KCNQ1OT1: variants seen among roughly 807,000 people sequenced by gnomAD.
KCNQ1OT1 encodes the protein KCNQ1 opposite strand/antisense transcript 1, also known as KCNQ1 antisense RNA 2 (non-protein coding).
chr11:2,698,981 C>T lies in KCNQ1OT1; in HGVS notation n.1014G>A, dbSNP rs577035818. The stretch of plus-strand genomic sequence containing the variant: ...TAACTCAGAACCACAACGGGGATTC[C>T]CACCTCCGATCCTAATTCGGGCCCT... On this transcript the variant is annotated non_coding_transcript_exon_variant, in exon 1 of 1. Coordinates refer to ENST00000597346, the Ensembl canonical transcript of KCNQ1OT1. This position sits in a 1 kb window ranked among gnomAD's most constrained non-coding sequence, Gnocchi z 5.1. 1.1e-3 allele frequency: 435 copies of T among 398,524 alleles called. 1 individual carries two copies. Among genetic ancestry groups the T allele is most frequent in the Non-Finnish European group, 1.6e-3 (367 of 226,078 alleles). 24.7% of individuals were successfully genotyped at this position (398,524 alleles called of 1,614,324 possible).
chr11:2,672,169 G>T (rs952342958), exon 1 of KCNQ1OT1: 6 of 398,566 alleles, frequency 1.5e-5, no homozygotes, highest in African/African-American at 1.2e-4. Context: ...TTGTTTTTCA[G>T]TGTTTTCTTT....
chr11:2,645,060 C>CCTG lies in KCNQ1OT1; in HGVS notation n.54934_54935insCAG. 1 of 398,686 alleles carries CCTG rather than the reference C, an allele frequency of 2.5e-6. No individual in the cohort carries two copies. The highest frequency in any genetic ancestry group is 4.4e-6 in the Non-Finnish European group (1 of 226,162). 24.7% of individuals were successfully genotyped at this position (398,686 alleles called of 1,614,324 possible). ...CAACTTGCTCAGGTGCCAATGATGA[C>CCTG]AGAGCTGGGCCACAGGGTGGGTAGG... On this transcript the variant is annotated non_coding_transcript_exon_variant, in exon 1 of 1. Coordinates refer to ENST00000597346, the Ensembl canonical transcript of KCNQ1OT1. The surrounding 1 kb of genome is among the most constrained non-coding windows in gnomAD (Gnocchi z 5.8).
Position 2,647,650 on chromosome 11 carries a change from T to G in KCNQ1OT1, n.52345A>C. 2.5e-6 allele frequency: 1 copy of G among 398,586 alleles called. No homozygotes were observed. The highest frequency in any genetic ancestry group is 3.6e-5 in the East Asian group (1 of 28,060). The allele number at this position is 398,586 out of a possible 1,614,324, so 24.7% of individuals were successfully genotyped here. On this transcript the variant is annotated non_coding_transcript_exon_variant, in exon 1 of 1. Coordinates refer to ENST00000597346, the Ensembl canonical transcript of KCNQ1OT1. This position sits in a 1 kb window ranked among gnomAD's most constrained non-coding sequence, Gnocchi z 4.0. ...CCTGAGGTTTTCTTTACTGGGAGAC[T>G]TTATTACTGATACAATCTCATTCCT...
At position 2,642,520 on chromosome 11, in the gene KCNQ1OT1, C is replaced by A; in HGVS notation, n.57475G>T. The A allele has an allele frequency of 2.5e-6, 1 of 397,740 alleles. No homozygotes were observed. Among genetic ancestry groups the A allele is most frequent in the Non-Finnish European group, 4.4e-6 (1 of 225,650 alleles). The allele number at this position is 397,740 out of a possible 1,614,324, so 24.6% of individuals were successfully genotyped here. ...TATTTCATGGTATGAGTTGTAATAT[C>A]CCCTTTTTCATTTTTGATTTTATTC... On this transcript the variant is annotated non_coding_transcript_exon_variant, in exon 1 of 1. Transcript: ENST00000597346. This position sits in a 1 kb window ranked among gnomAD's most constrained non-coding sequence, Gnocchi z 4.3.
chr11:2,625,551 G>C, exon 1 of KCNQ1OT1: 1 of 396,658 alleles, frequency 2.5e-6, no homozygotes, highest in Non-Finnish European at 4.4e-6. Flanking sequence ...ATCTTCTTTG[G>C]AGATACGTCT....
exon 1 of KCNQ1OT1, chr11:2,667,997 G>A: frequency 2.5e-6 from 1 of 398,676 alleles, no homozygotes; most frequent in East Asian, 3.6e-5. Context: ...CTGACCTTGA[G>A]ATTAACCACA....
At chr11:2,666,349 G>A (rs990415911) in exon 1 of KCNQ1OT1, 7 of 398,522 alleles carry the variant, frequency 1.8e-5, no homozygotes, top group Non-Finnish European at 2.7e-5. Context: ...TCCCTGGCAA[G>A]CATGTGCTTG....
In KCNQ1OT1 at chr11:2,635,000, A is replaced by G. The variant is rs1322459757; in HGVS notation, n.64995T>C. 7 of 152,208 alleles carry G rather than the reference A, an allele frequency of 4.6e-5. No individual in the cohort carries two copies. In the East Asian group the frequency reaches 1.3e-3, roughly 29 times the overall value. 9.4% of individuals were successfully genotyped at this position (152,208 alleles called of 1,614,324 possible). A position where few individuals can be genotyped will look rare whatever the true frequency, so the allele number is the denominator to read the frequency against. On this transcript the variant is annotated non_coding_transcript_exon_variant, in exon 1 of 1. Coordinates refer to ENST00000597346, the Ensembl canonical transcript of KCNQ1OT1. The stretch of plus-strand genomic sequence containing the variant: ...GTCTTCTTTTGAGAAGTGTCTGTTC[A>G]TAACCTTTGCCCACTTTTTGATAGG...
chr11:2,633,936 G>A, exon 1 of KCNQ1OT1: 1 of 398,510 alleles, frequency 2.5e-6, no homozygotes, highest in Non-Finnish European at 4.4e-6. Flanking sequence ...TAGATTATGG[G>A]GAAAATCCAC....
At position 2,676,048 on chromosome 11, in the gene KCNQ1OT1, A is replaced by G; in HGVS notation, n.23947T>C. 5.0e-6 allele frequency: 2 copies of G among 398,608 alleles called. No homozygotes were observed. The allele number at this position is 398,608 out of a possible 1,614,324, so 24.7% of individuals were successfully genotyped here. A position where few individuals can be genotyped will look rare whatever the true frequency, so the allele number is the denominator to read the frequency against. ...TTACCACTCAACACTTTCCTATTGC[A>G]TCTTTCCAGACGTATTTTATATAAA... On this transcript the variant is annotated non_coding_transcript_exon_variant, in exon 1 of 1. Coordinates refer to ENST00000597346, the Ensembl canonical transcript of KCNQ1OT1. This position sits in a 1 kb window ranked among gnomAD's most constrained non-coding sequence, Gnocchi z 4.2.
Position 2,658,246 on chromosome 11 carries a change from C to G in KCNQ1OT1, n.41749G>C, listed in dbSNP as rs1480893843. On this transcript the variant is annotated non_coding_transcript_exon_variant, in exon 1 of 1. Transcript: ENST00000597346. This position sits in a 1 kb window ranked among gnomAD's most constrained non-coding sequence, Gnocchi z 4.9. ...ATCGTTTTCCTGCAGCAAATATTACCGTGATGTACTTCTATTTTCCTCATT... is the reference window on the plus strand; with the variant it reads ...ATCGTTTTCCTGCAGCAAATATTACGGTGATGTACTTCTATTTTCCTCATT... 2.5e-6 allele frequency: 1 copy of G among 398,520 alleles called. No individual in the cohort carries two copies. The highest frequency in any genetic ancestry group is 4.4e-6 in the Non-Finnish European group (1 of 226,050). The allele number at this position is 398,520 out of a possible 1,614,324, so 24.7% of individuals were successfully genotyped here.
Position 2,621,760 on chromosome 11 carries a change from C to T in KCNQ1OT1, n.78235G>A, listed in dbSNP as rs1849176148. The T allele has an allele frequency of 2.5e-6, 1 of 398,288 alleles. No homozygotes were observed. Among genetic ancestry groups the T allele is most frequent in the Admixed American group, 4.4e-5 (1 of 22,724 alleles). The allele number at this position is 398,288 out of a possible 1,614,324, so 24.7% of individuals were successfully genotyped here. ...CCATTTTCATTTCTGATTTTGTCCT[C>T]TTTCTTAGTCCAAGAGTTTGTTGAT... On this transcript the variant is annotated non_coding_transcript_exon_variant, in exon 1 of 1. Transcript: ENST00000597346. The surrounding 1 kb of genome is among the most constrained non-coding windows in gnomAD (Gnocchi z 5.7).
In KCNQ1OT1 at chr11:2,611,427, G is replaced by A. The variant is rs1161982158; in HGVS notation, n.88568C>T. 7.5e-6 allele frequency: 3 copies of A among 397,688 alleles called. No individual in the cohort carries two copies. The highest frequency in any genetic ancestry group is 4.1e-5 in the African/African-American group (2 of 48,734). The allele number at this position is 397,688 out of a possible 1,614,324, so 24.6% of individuals were successfully genotyped here. A position where few individuals can be genotyped will look rare whatever the true frequency, so the allele number is the denominator to read the frequency against. ...GAGTTTCACCATGTTGACCAGGCTG[G>A]TCTTGAACTCCTGACCTCGAGTGAT... On this transcript the variant is annotated non_coding_transcript_exon_variant, in exon 1 of 1. Coordinates refer to ENST00000597346, the Ensembl canonical transcript of KCNQ1OT1. This position sits in a 1 kb window ranked among gnomAD's most constrained non-coding sequence, Gnocchi z 5.3.
At position 2,678,619 on chromosome 11, in the gene KCNQ1OT1, C is replaced by T; in HGVS notation, n.21376G>A. On this transcript the variant is annotated non_coding_transcript_exon_variant, in exon 1 of 1. Transcript: ENST00000597346. The surrounding 1 kb of genome is among the most constrained non-coding windows in gnomAD (Gnocchi z 4.9). ...GCAGGACTCCCCCTCATCTCCATTA[C>T]TTAAGAGCCAATAATGGGAAGCTCA... The T allele has an allele frequency of 2.5e-6, 1 of 398,306 alleles. No individual in the cohort carries two copies. The highest frequency in any genetic ancestry group is 4.4e-6 in the Non-Finnish European group (1 of 226,044). 24.7% of individuals were successfully genotyped at this position (398,306 alleles called of 1,614,324 possible). A position where few individuals can be genotyped will look rare whatever the true frequency, so the allele number is the denominator to read the frequency against.
rs397956034 is a variant in KCNQ1OT1 at position 2,620,957 on chromosome 11, T to TTTTG, written n.79037_79038insCAAA. ...GTTGTTGTTTTGTTTTGTTTTTTTTTGTCTGTTTTTTGCTTTTTTGTTTGT... is the reference window on the plus strand; with the variant it reads ...GTTGTTGTTTTGTTTTGTTTTTTTTTTTTGGTCTGTTTTTTGCTTTTTTGTTTGT... On this transcript the variant is annotated non_coding_transcript_exon_variant, in exon 1 of 1. Transcript: ENST00000597346. The surrounding 1 kb of genome is among the most constrained non-coding windows in gnomAD (Gnocchi z 4.5). 5.0e-6 allele frequency: 2 copies of TTTTG among 396,952 alleles called. No individual in the cohort carries two copies. The highest frequency in any genetic ancestry group is 8.9e-6 in the Non-Finnish European group (2 of 225,656). The allele number at this position is 396,952 out of a possible 1,614,324, so 24.6% of individuals were successfully genotyped here.
exon 1 of KCNQ1OT1, chr11:2,633,716 T>A (rs564144735): frequency 2.5e-6 from 1 of 398,502 alleles, no homozygotes; most frequent in African/African-American, 2.1e-5. Flanking sequence ...TCTGTTCCAT[T>A]GGTCTATATG....
rs1850248997 is a variant in KCNQ1OT1, at chr11:2,674,367, G to A, written n.25628C>T. 2 of 398,308 alleles carry A rather than the reference G, an allele frequency of 5.0e-6. No homozygotes were observed. Among genetic ancestry groups the A allele is most frequent in the Middle Eastern group, 6.2e-4 (1 of 1,610 alleles). The allele number at this position is 398,308 out of a possible 1,614,324, so 24.7% of individuals were successfully genotyped here. On this transcript the variant is annotated non_coding_transcript_exon_variant, in exon 1 of 1. Transcript: ENST00000597346. The surrounding 1 kb of genome is among the most constrained non-coding windows in gnomAD (Gnocchi z 5.9). ...TTCCATTCGCTCTTGGCAAAGAGCA[G>A]CTTCCTGCTTAGGGAAGGTGCATGC...
chr11:2,667,202 C>T (rs915653361), exon 1 of KCNQ1OT1: 77 of 398,618 alleles, frequency 1.9e-4, no homozygotes, highest in Non-Finnish European at 3.1e-4. Flanking sequence ...GGCGGCCCCC[C>T]GTGGCCCCCT....
chr11:2,650,532 A>G (rs115222467), exon 1 of KCNQ1OT1: 17 of 398,676 alleles, frequency 4.3e-5, no homozygotes, highest in African/African-American at 3.3e-4. Flanking sequence ...CATCAGTGGT[A>G]TCTGCAAGTT....
Sources: gnomAD v4.1 joint callset for allele counts on GRCh38, gnomAD v4.1.1 for gene constraint, Gnocchi (gnomAD v3.1) non-coding constraint, MANE v1.5 for transcripts, NCBI Gene and HGNC (gene_info 2026-07-23, HGNC 2026-07-21) for gene names.